Variants in RAD18 observed in about 807,000 individuals in gnomAD.
The protein encoded by RAD18 is RAD18 E3 ubiquitin protein ligase.
Under a neutral mutation model 60.4 loss-of-function variants are expected in RAD18, and 47 were observed. The ratio of observed to expected loss-of-function variants is 0.78; its 90% CI spans 0.62 to 0.99. RAD18 has a LOEUF of 0.99. Among genes scored for constraint, RAD18 ranks in the 50% least tolerant of loss-of-function variants. The pLI is 0.00. For missense variants in RAD18, 640 were observed against 593.3 expected (o/e 1.08, Z -0.82); for synonymous variants, 225 against 195.5 (o/e 1.15, Z -1.26).
At chr3:8,886,122 T>A (rs544981345) in intron 12 of RAD18, among the ~76,000 whole-genome samples, 1 of 152,254 alleles carries the variant, frequency 6.6e-6, no homozygotes, top group Non-Finnish European at 1.5e-5. Flanking sequence ...AAAAACCTTG[T>A]GGCAATTAGA....
chr3:8,932,248 A>T (rs1485179571), intron 7 of RAD18, among the ~76,000 whole-genome samples: 1 of 152,212 alleles, frequency 6.6e-6, no homozygotes, highest in Non-Finnish European at 1.5e-5. Context: ...AAGGTAAGCC[A>T]CATACAAAGA....
chr3:8,905,583 C>T (rs897971750), intron 9 of RAD18, among the ~76,000 whole-genome samples: 1 of 152,218 alleles, frequency 6.6e-6, no homozygotes, highest in African/African-American at 2.4e-5. Context: ...ATCATATCAC[C>T]TATGATAGCC....
intron 12 of RAD18, among the ~76,000 whole-genome samples, chr3:8,885,644 G>A (rs1413255764): frequency 1.3e-5 from 2 of 152,154 alleles, no homozygotes; most frequent in Non-Finnish European, 2.9e-5. Context: ...CCAAAAGACA[G>A]GCACTGTAAG....
intron 7 of RAD18, among the ~76,000 whole-genome samples, chr3:8,921,126 T>A (rs1402440762): frequency 2.0e-5 from 3 of 152,168 alleles, no homozygotes; most frequent in African/African-American, 4.8e-5. Flanking sequence ...CATACACACA[T>A]TCACAGAAAA....
intron 7 of RAD18, among the ~76,000 whole-genome samples, chr3:8,931,902 T>C (rs1940565957): frequency 6.6e-6 from 1 of 152,242 alleles, no homozygotes; most frequent in Admixed American, 6.5e-5. Context: ...GGGGAAAGGA[T>C]AGTCTTTTTA....
intron 10 of RAD18, among the ~76,000 whole-genome samples, chr3:8,900,302 T>G (rs1197773499): frequency 6.6e-6 from 1 of 152,200 alleles, no homozygotes; most frequent in East Asian, 1.9e-4. Context: ...AGAATCACAT[T>G]AAGAGGAGCC....
At chr3:8,909,149 T>C (rs1940063731) in intron 9 of RAD18, among the ~76,000 whole-genome samples, 1 of 152,046 alleles carries the variant, frequency 6.6e-6, no homozygotes, top group Admixed American at 6.6e-5. Context: ...GTGAAGGACT[T>C]GGTAAAGTAG....
chr3:8,914,428 TGGTAG>T (rs1940160170), intron 7 of RAD18, among the ~76,000 whole-genome samples: 1 of 152,196 alleles, frequency 6.6e-6, no homozygotes, highest in Non-Finnish European at 1.5e-5. Flanking sequence ...GGGGTGTAAA[TGGTAG>T]ATAAAACAAC....
chr3:8,911,100 T>C (rs1341392104), intron 9 of RAD18, among the ~76,000 whole-genome samples: 1 of 152,228 alleles, frequency 6.6e-6, no homozygotes, highest in Admixed American at 6.5e-5. Flanking sequence ...TCAAAATGTA[T>C]GAATAAACTA....
At chr3:8,949,189 C>G (rs1244802399) in intron 2 of RAD18, among the ~76,000 whole-genome samples, 1 of 152,186 alleles carries the variant, frequency 6.6e-6, no homozygotes, top group Non-Finnish European at 1.5e-5. Context: ...ACACTCAAGG[C>G]AGTGTAAATG....
intron 12 of RAD18, among the ~76,000 whole-genome samples, chr3:8,885,352 G>A (rs184284504): frequency 2.0e-5 from 3 of 152,248 alleles, no homozygotes; most frequent in Admixed American, 1.3e-4. Flanking sequence ...GCTCATAAGT[G>A]CATGCAAACA....
At position 8,912,293 on chromosome 3, in the gene RAD18, ATAAAG is replaced by A. The variant is rs1398439764; in HGVS notation, c.1027+14_1027+18del. 6.6e-7 allele frequency: 1 copy of A among 1,521,162 alleles called. No homozygotes were observed. The highest frequency in any genetic ancestry group is 8.9e-7 in the Non-Finnish European group (1 of 1,126,668). The allele number at this position is 1,521,162 out of a possible 1,614,324, so 94.2% of individuals were successfully genotyped here. ...GCAACTGAAGCTCTTTACAAATTAA[ATAAAG>A]TCGTGCAACTTACGATATTTACTGT... On this transcript the variant is annotated intron_variant, in intron 9 of 12. Coordinates refer to ENST00000264926, the MANE Select transcript of RAD18 (RefSeq NM_020165.4).
intron 7 of RAD18, among the ~76,000 whole-genome samples, chr3:8,926,696 G>C (rs1029341324): frequency 1.3e-5 from 2 of 152,062 alleles, no homozygotes; most frequent in Admixed American, 1.3e-4. Context: ...GCATGGTACT[G>C]GTACCAAAAC....
chr3:8,918,318 C>CAAAAAA (rs56365221), intron 7 of RAD18, among the ~76,000 whole-genome samples: 7 of 72,996 alleles, frequency 9.6e-5, no homozygotes, highest in African/African-American at 3.0e-4. Context: ...AACTCCATCT[C>CAAAAAA]AAAAAAAAAA....
At position 8,880,783 on chromosome 3, in the gene RAD18, G is replaced by C. The variant is rs1939444052; in HGVS notation, c.*574C>G. 1 of 152,306 alleles carries C rather than the reference G, an allele frequency of 6.6e-6. No homozygotes were observed. Among genetic ancestry groups the C allele is most frequent in the Admixed American group, 6.5e-5 (1 of 15,274 alleles). 9.4% of individuals were successfully genotyped at this position (152,306 alleles called of 1,614,324 possible). ...ATACTAATATCCTACTCTGAGAAAT[G>C]TGTAAGACACAGGTCTAACAAACAA... On this transcript the variant is annotated 3_prime_UTR_variant, in exon 13 of 13. Coordinates refer to ENST00000264926, the MANE Select transcript of RAD18 (RefSeq NM_020165.4).
At chr3:8,939,082 C>T (rs950101585) in intron 6 of RAD18, among the ~76,000 whole-genome samples, 1 of 151,660 alleles carries the variant, frequency 6.6e-6, no homozygotes, top group East Asian at 1.9e-4. Context: ...CATTTTTGTA[C>T]CTTTTTATAT....
Position 8,915,288 on chromosome 3 carries a change from C to T in RAD18, c.890-1568G>A, listed in dbSNP as rs888214689. ...CTCTCACCCTAATGACGAGAAAAAG[C>T]GGGATAACTTATAAAACTATAATTT... On this transcript the variant is annotated intron_variant, in intron 7 of 12. Transcript: ENST00000264926. Among the ~76,000 whole-genome samples, 4 of 152,038 alleles carry T rather than the reference C, an allele frequency of 2.6e-5. No individual in the cohort carries two copies. In the East Asian group the frequency reaches 7.7e-4, roughly 29 times the overall value.
At chr3:8,917,756 T>C (rs766106880) in intron 7 of RAD18, among the ~76,000 whole-genome samples, 1 of 151,812 alleles carries the variant, frequency 6.6e-6, no homozygotes, top group East Asian at 1.9e-4. Context: ...CAGCAAGATA[T>C]TAAATTCAAA....
chr3:8,944,885 C>A (rs758569899), intron 4 of RAD18, among the ~76,000 whole-genome samples: 1 of 152,150 alleles, frequency 6.6e-6, no homozygotes, highest in Non-Finnish European at 1.5e-5. Flanking sequence ...AGTCTAGAAC[C>A]ATTTGGCTAA....
Sources: gnomAD v4.1 joint callset for allele counts (sites outside exome capture counted in the v4.1 genomes callset) on GRCh38, gnomAD v4.1.1 for gene constraint, MANE v1.5 for transcripts, NCBI Gene and HGNC (gene_info 2026-07-23, HGNC 2026-07-21) for gene names.